The following MACROD2 variants were observed in gnomAD, a reference collection of about 807,000 sequenced individuals.
The protein encoded by MACROD2 is ADP-ribose glycohydrolase MACROD2.
Under a neutral mutation model 70.4 loss-of-function variants are expected in MACROD2, and 36 were observed. The observed-to-expected ratio is 0.51, with a 90% CI of 0.39 to 0.68. The LOEUF is 0.68. Ranked by LOEUF, MACROD2 falls within the 30% of genes least tolerant of loss-of-function variation. MACROD2 has a pLI of 0.00. For missense variants in MACROD2, 496 were observed against 538.4 expected (o/e 0.92, Z 0.78); for synonymous variants, 172 against 178.8 (o/e 0.96, Z 0.30).
intron 5 of MACROD2, among the ~76,000 whole-genome samples, chr20:15,205,388 T>A (rs1016308158): frequency 4.8e-5 from 5 of 103,674 alleles, no homozygotes; most frequent in Non-Finnish European, 1.1e-4. Flanking sequence ...GGGGCTTCTA[T>A]TTTTTTTTTT....
intron 4 of MACROD2, among the ~76,000 whole-genome samples, chr20:14,589,422 T>C (rs557976685): frequency 2.1e-4 from 32 of 152,316 alleles, no homozygotes; most frequent in African/African-American, 7.7e-4. Context: ...AACATCTTTC[T>C]TGGTTTCATT....
intron 6 of MACROD2, among the ~76,000 whole-genome samples, chr20:15,328,021 T>C (rs2077950833): frequency 6.6e-6 from 1 of 152,000 alleles, no homozygotes; most frequent in African/African-American, 2.4e-5. Flanking sequence ...AATTGATAAG[T>C]AGAATATATA....
rs142311573 is a variant in MACROD2 at position 14,027,026 on chromosome 20, C to T, written c.163+24622C>T. On this transcript the variant is annotated intron_variant, in intron 2 of 17. Transcript: ENST00000684519. ...CTAGGTGACACCTCCCAGCAGGGGT[C>T]GACAGACACCTCATACAGGAGAGTC... Among the ~76,000 whole-genome samples, 356 of 152,258 alleles carry T rather than the reference C, an allele frequency of 2.3e-3. 1 individual carries two copies. The highest frequency in any genetic ancestry group is 4.6e-3 in the African/African-American group (190 of 41,554).
At chr20:15,204,535 C>A (rs1159454640) in intron 5 of MACROD2, among the ~76,000 whole-genome samples, 1 of 151,934 alleles carries the variant, frequency 6.6e-6, no homozygotes, top group Non-Finnish European at 1.5e-5. Flanking sequence ...AATTTTCAGC[C>A]CTTACCTTGT....
At chr20:14,708,289 T>C (rs2071294163) in intron 5 of MACROD2, among the ~76,000 whole-genome samples, 1 of 152,204 alleles carries the variant, frequency 6.6e-6, no homozygotes, top group Non-Finnish European at 1.5e-5. Context: ...ATAGTAAATA[T>C]GTTCAGCTTT....
At chr20:15,095,662 C>T (rs2075825722) in intron 5 of MACROD2, among the ~76,000 whole-genome samples, 1 of 151,724 alleles carries the variant, frequency 6.6e-6, no homozygotes, top group African/African-American at 2.4e-5. Flanking sequence ...GGACTACAGG[C>T]ATCTGCCACC....
intron 6 of MACROD2, among the ~76,000 whole-genome samples, chr20:15,285,126 G>T (rs1315035751): frequency 6.6e-6 from 1 of 152,128 alleles, no homozygotes; most frequent in Non-Finnish European, 1.5e-5. Flanking sequence ...TGGAGTATTA[G>T]TTAACAGTCC....
intron 8 of MACROD2, among the ~76,000 whole-genome samples, chr20:15,557,871 C>T (rs2048189230): frequency 6.6e-6 from 1 of 152,134 alleles, no homozygotes; most frequent in South Asian, 2.1e-4. Flanking sequence ...CTCCTTTGTT[C>T]ATCCCCAGCC....
chr20:14,318,710 T>C (rs2082634117), intron 3 of MACROD2, among the ~76,000 whole-genome samples: 1 of 152,216 alleles, frequency 6.6e-6, no homozygotes, highest in South Asian at 2.1e-4. Flanking sequence ...ACCAGCAGCC[T>C]GTGTAACTGA....
chr20:15,427,373 C>T (rs897898647), intron 6 of MACROD2, among the ~76,000 whole-genome samples: 3 of 152,194 alleles, frequency 2.0e-5, no homozygotes, highest in Non-Finnish European at 2.9e-5. Context: ...TTGTCATTAA[C>T]TGTGCAGTAT....
chr20:15,163,153 G>A (rs2076360046), intron 5 of MACROD2, among the ~76,000 whole-genome samples: 1 of 151,842 alleles, frequency 6.6e-6, no homozygotes, highest in South Asian at 2.1e-4. Flanking sequence ...GGGATAATCA[G>A]TGAATCCAAA....
At chr20:15,894,989 C>A (rs976161982) in intron 10 of MACROD2, among the ~76,000 whole-genome samples, 1 of 152,216 alleles carries the variant, frequency 6.6e-6, no homozygotes, top group African/African-American at 2.4e-5. Context: ...AAGCAATACT[C>A]ACCTTTCCCC....
chr20:16,004,472 C>T (rs999319873), intron 15 of MACROD2, among the ~76,000 whole-genome samples: 3 of 152,208 alleles, frequency 2.0e-5, no homozygotes, highest in Non-Finnish European at 4.4e-5. Context: ...GCCAGGGCCA[C>T]GACTACTCCA....
chr20:15,361,086 T>A (rs1352759773), intron 6 of MACROD2, among the ~76,000 whole-genome samples: 1 of 152,166 alleles, frequency 6.6e-6, no homozygotes, highest in Non-Finnish European at 1.5e-5. Flanking sequence ...ATAGATTTTT[T>A]TCTTTTACAG....
chr20:14,618,108 T>C (rs1932942), intron 4 of MACROD2, among the ~76,000 whole-genome samples: 68,818 of 106,084 alleles, frequency 0.65, 16,651 homozygotes, highest in African/African-American at 0.73. Context: ...CTCCAATCCC[T>C]ATGAATTTTT....
In MACROD2 at chr20:14,850,035, G is replaced by A. The variant is rs148997704; in HGVS notation, c.418+165076G>A. 817 of 506,420 alleles carry A rather than the reference G, an allele frequency of 1.6e-3. 9 individuals are homozygous for A. Among genetic ancestry groups the A allele is most frequent in the African/African-American group, 0.014 (728 of 51,368 alleles). 31.4% of individuals were successfully genotyped at this position (506,420 alleles called of 1,614,324 possible). ...TTCTCTATTGTATTCCTGCAGGTTAGGATTGTTACAGATCACAATGACTTA... is the reference window on the plus strand; with the variant it reads ...TTCTCTATTGTATTCCTGCAGGTTAAGATTGTTACAGATCACAATGACTTA... On this transcript the variant is annotated intron_variant, in intron 5 of 17. Transcript: ENST00000684519.
At position 14,429,471 on chromosome 20, in the gene MACROD2, A is replaced by C. The variant is rs144564923; in HGVS notation, c.272-64008A>C. On this transcript the variant is annotated intron_variant, in intron 3 of 17. Coordinates refer to ENST00000684519, the MANE Select transcript of MACROD2 (RefSeq NM_001351661.2). ...GTGATCTAATGGAAAGAGATCAAGT[A>C]ATGATCAAATACTTCATATTTAGAA... 8.4e-4 allele frequency among the ~76,000 whole-genome samples: 128 copies of C among 152,330 alleles called. 1 individual carries two copies. The highest frequency in any genetic ancestry group is 2.8e-3 in the African/African-American group (115 of 41,572).
At chr20:14,892,984 T>G (rs866729265) in intron 5 of MACROD2, 3 of 152,196 alleles carry the variant, frequency 2.0e-5, no homozygotes, top group African/African-American at 7.2e-5. Context: ...CAGCCCATGA[T>G]TCTACTTTCT....
intron 4 of MACROD2, among the ~76,000 whole-genome samples, chr20:14,495,377 C>T (rs560418783): frequency 1.3e-5 from 2 of 152,126 alleles, no homozygotes; most frequent in South Asian, 4.1e-4. Flanking sequence ...AAAGGCAAAA[C>T]ATGAAAAAAA....
Sources: gnomAD v4.1 joint callset for allele counts (sites outside exome capture counted in the v4.1 genomes callset) on GRCh38, gnomAD v4.1.1 for gene constraint, MANE v1.5 for transcripts, NCBI Gene and HGNC (gene_info 2026-07-23, HGNC 2026-07-21) for gene names.